The following ZFAND5 variants were observed in gnomAD, a reference collection of about 807,000 sequenced individuals.
The protein encoded by ZFAND5 is AN1-type zinc finger protein 5.
Under a neutral mutation model 23.6 loss-of-function variants are expected in ZFAND5, and 4 were observed. The ratio of observed to expected loss-of-function variants is 0.17; its 90% CI spans 0.08 to 0.39. The LOEUF (loss-of-function observed/expected upper bound fraction) is 0.39. ZFAND5 is among the 10% of genes least tolerant of loss of function. ZFAND5 has a pLI of 1.00. For synonymous variants in ZFAND5, 68 were observed against 80.6 expected (o/e 0.84, Z 0.84); for missense variants, 161 against 253.7 (o/e 0.63, Z 2.48).
In ZFAND5 at chr9:72,354,043, A is replaced by G. The variant is rs1157406818; in HGVS notation, c.*1910T>C. ...CCCCTTGTTCTTTATGATCTGGCATAAACGCTACAGAGACCAAGTCCATGG... is the reference window on the plus strand; with the variant it reads ...CCCCTTGTTCTTTATGATCTGGCATGAACGCTACAGAGACCAAGTCCATGG... On this transcript the variant is annotated 3_prime_UTR_variant, in exon 7 of 7. Coordinates refer to ENST00000376962, the MANE Select transcript of ZFAND5 (RefSeq NM_001102420.3). The G allele has an allele frequency of 6.6e-6, 1 of 152,220 alleles. No homozygotes were observed. Among genetic ancestry groups the G allele is most frequent in the East Asian group, 1.9e-4 (1 of 5,202 alleles). 9.4% of individuals were successfully genotyped at this position (152,220 alleles called of 1,614,324 possible). A position where few individuals can be genotyped will look rare whatever the true frequency, so the allele number is the denominator to read the frequency against.
At position 72,355,808 on chromosome 9, in the gene ZFAND5, C is replaced by T; in HGVS notation, c.*145G>A. 3.9e-6 allele frequency: 3 copies of T among 776,384 alleles called. No individual in the cohort carries two copies. The highest frequency in any genetic ancestry group is 3.9e-6 in the Non-Finnish European group (2 of 511,366). The allele number at this position is 776,384 out of a possible 1,614,324, so 48.1% of individuals were successfully genotyped here. A position where few individuals can be genotyped will look rare whatever the true frequency, so the allele number is the denominator to read the frequency against. On this transcript the variant is annotated 3_prime_UTR_variant, in exon 7 of 7. Transcript: ENST00000376962. ...CTGCCTGTAACAAACACCCAAACAT[C>T]CTAAAATATCAATTATAAGACAGAC...
rs1224276753 is a variant in ZFAND5 at position 72,353,914 on chromosome 9, G to A, written c.*2039C>T. On this transcript the variant is annotated 3_prime_UTR_variant, in exon 7 of 7. Transcript: ENST00000376962. ...CAAAAGTAGCAGCATGCAAAGAACT[G>A]ACAGATAAAACTAGGGTATTTCCAC... 1 of 152,102 alleles carries A rather than the reference G, an allele frequency of 6.6e-6. No homozygotes were observed. The highest frequency in any genetic ancestry group is 6.6e-5 in the Admixed American group (1 of 15,254). 9.4% of individuals were successfully genotyped at this position (152,102 alleles called of 1,614,324 possible). A position where few individuals can be genotyped will look rare whatever the true frequency, so the allele number is the denominator to read the frequency against.
At chr9:72,359,616 TTCC>T (rs1245465265) in intron 4 of ZFAND5, 95 bp from the exon 5 acceptor site, 1 of 1,191,132 alleles carries the variant, frequency 8.4e-7, no homozygotes, top group East Asian at 2.6e-5. Context: ...TATAGAATAT[TTCC>T]AAAATGAGCA....
intron 3 of ZFAND5, 143 bp downstream of exon 3, chr9:72,360,485 C>T (rs1306634104): frequency 8.9e-7 from 1 of 1,124,912 alleles, no homozygotes; most frequent in Non-Finnish European, 1.3e-6. Flanking sequence ...TCAGTCATGT[C>T]AAGCACTTGG....
chr9:72,364,431 A>G, intron 1 of ZFAND5: 1 of 1,263,754 alleles, frequency 7.9e-7, no homozygotes, highest in East Asian at 7.7e-5. Flanking sequence ...CCGGCCCCGC[A>G]GAGGCGGCAC....
Position 72,353,299 on chromosome 9 carries a change from CCAGT to C in ZFAND5, c.*2650_*2653del, listed in dbSNP as rs977459378. On this transcript the variant is annotated 3_prime_UTR_variant, in exon 7 of 7. Coordinates refer to ENST00000376962, the MANE Select transcript of ZFAND5 (RefSeq NM_001102420.3). ...CCTTACACACTGATTCCCTTTCTCC[CCAGT>C]CAATGGACAACCCTGACAAATCTTT... 1.3e-5 allele frequency: 2 copies of C among 152,140 alleles called. No homozygotes were observed. The highest frequency in any genetic ancestry group is 1.5e-5 in the Non-Finnish European group (1 of 68,036). The allele number at this position is 152,140 out of a possible 1,614,324, so 9.4% of individuals were successfully genotyped here.
chr9:72,360,780 T>G lies in ZFAND5; in HGVS notation c.-2A>C. 1 of 1,597,254 alleles carries G rather than the reference T, an allele frequency of 6.3e-7. No homozygotes were observed. Among genetic ancestry groups the G allele is most frequent in the Non-Finnish European group, 8.5e-7 (1 of 1,170,324 alleles). On this transcript the variant is annotated 5_prime_UTR_variant, in exon 3 of 7. Transcript: ENST00000376962. ...GGTCTGGTTAGTCTCCTGAGCCATA[T>G]TTTTCTGCTATAGATGAAACGAAAT...
rs1842197458 is a variant in ZFAND5 at position 72,364,339 on chromosome 9, GCGGCCGCCGCCT to G, written c.-147+345_-147+356del. On this transcript the variant is annotated intron_variant, in intron 1 of 6. Transcript: ENST00000376962. ...GGGGGGGCTGCAACGGGCAGGGGGC[GCGGCCGCCGCCT>G]CGGCCTCTTTGTTTCTCTGGGTCGT... 3 of 1,090,434 alleles carry G rather than the reference GCGGCCGCCGCCT, an allele frequency of 2.8e-6. No homozygotes were observed. In the African/African-American group the frequency reaches 5.2e-5, roughly 19 times the overall value. 67.5% of individuals were successfully genotyped at this position (1,090,434 alleles called of 1,614,324 possible).
chr9:72,362,558 T>TGGAGGATA (rs1156742205), intron 2 of ZFAND5, among the ~76,000 whole-genome samples: 2 of 152,228 alleles, frequency 1.3e-5, no homozygotes, highest in Non-Finnish European at 2.9e-5. Flanking sequence ...TTAGATAAAA[T>TGGAGGATA]GGAGGATACT....
Position 72,364,686 on chromosome 9 carries a change from T to A in ZFAND5, c.-147+10A>T. 9.6e-7 allele frequency: 1 copy of A among 1,039,308 alleles called. No homozygotes were observed. The allele number at this position is 1,039,308 out of a possible 1,614,324, so 64.4% of individuals were successfully genotyped here. A position where few individuals can be genotyped will look rare whatever the true frequency, so the allele number is the denominator to read the frequency against. ...AGCCCGGCTCCCACCCGCAGCCCCG[T>A]ATCACTCACCCTGCAGGGTCCCAAA... On this transcript the variant is annotated intron_variant, in intron 1 of 6. Coordinates refer to ENST00000376962, the MANE Select transcript of ZFAND5 (RefSeq NM_001102420.3).
At chr9:72,363,759 A>G (rs1842171184) in intron 1 of ZFAND5, 153 bp from the exon 2 acceptor site, 2 of 551,144 alleles carry the variant, frequency 3.6e-6, no homozygotes, top group African/African-American at 2.0e-5. Context: ...AATCCTAAAA[A>G]TAAGGAATAA....
chr9:72,364,682 C>G lies in ZFAND5; in HGVS notation c.-147+14G>C, dbSNP rs923124905. ...AAGGAGCCCGGCTCCCACCCGCAGCCCCGTATCACTCACCCTGCAGGGTCC... is the reference window on the plus strand; with the variant it reads ...AAGGAGCCCGGCTCCCACCCGCAGCGCCGTATCACTCACCCTGCAGGGTCC... On this transcript the variant is annotated intron_variant, in intron 1 of 6. Transcript: ENST00000376962. 117 of 1,052,586 alleles carry G rather than the reference C, an allele frequency of 1.1e-4. 1 individual carries two copies. Among genetic ancestry groups the G allele is most frequent in the Middle Eastern group, 4.3e-4 (1 of 2,352 alleles). 65.2% of individuals were successfully genotyped at this position (1,052,586 alleles called of 1,614,324 possible).
In ZFAND5 at chr9:72,354,283, A is replaced by AGATATTG. The variant is rs1231977286; in HGVS notation, c.*1669_*1670insCAATATC. On this transcript the variant is annotated 3_prime_UTR_variant, in exon 7 of 7. Transcript: ENST00000376962. ...GGTGCCTATTGAATTCTTCAAAAAT[A>AGATATTG]AACTGCCTATCAGGTATCATACCTG... 11 of 152,266 alleles carry AGATATTG rather than the reference A, an allele frequency of 7.2e-5. No homozygotes were observed. Among genetic ancestry groups the AGATATTG allele is most frequent in the African/African-American group, 2.7e-4 (11 of 41,452 alleles). 9.4% of individuals were successfully genotyped at this position (152,266 alleles called of 1,614,324 possible). A position where few individuals can be genotyped will look rare whatever the true frequency, so the allele number is the denominator to read the frequency against.
Position 72,365,176 on chromosome 9 carries a change from G to A in ZFAND5, c.-627C>T, listed in dbSNP as rs928903276. 2.0e-5 allele frequency: 3 copies of A among 152,302 alleles called. No individual in the cohort carries two copies. The highest frequency in any genetic ancestry group is 6.5e-5 in the Admixed American group (1 of 15,292). The allele number at this position is 152,302 out of a possible 1,614,324, so 9.4% of individuals were successfully genotyped here. A position where few individuals can be genotyped will look rare whatever the true frequency, so the allele number is the denominator to read the frequency against. On this transcript the variant is annotated 5_prime_UTR_variant, in exon 1 of 7. Coordinates refer to ENST00000376962, the MANE Select transcript of ZFAND5 (RefSeq NM_001102420.3). ...CGGGAGCGAGCGAGCCCGCGTAGGA[G>A]ATGCACACAGCTCCGCGTCCCGGCC...
rs966034740 is a variant in ZFAND5 at position 72,351,653 on chromosome 9, A to G, written c.*4300T>C. Reference sequence around the variant, plus strand: ...TTCAATGACTGTATATTTAGTCACCACCTCAACCACTGCTAAGCTCTCTTC... The same window carrying G: ...TTCAATGACTGTATATTTAGTCACCGCCTCAACCACTGCTAAGCTCTCTTC... On this transcript the variant is annotated 3_prime_UTR_variant, in exon 7 of 7. Transcript: ENST00000376962. The G allele has an allele frequency of 1.3e-5, 2 of 149,130 alleles. No homozygotes were observed. Among genetic ancestry groups the G allele is most frequent in the African/African-American group, 4.9e-5 (2 of 40,474 alleles). The allele number at this position is 149,130 out of a possible 1,614,324, so 9.2% of individuals were successfully genotyped here. A position where few individuals can be genotyped will look rare whatever the true frequency, so the allele number is the denominator to read the frequency against.
chr9:72,359,542 A>G, intron 4 of ZFAND5, 21 bp from the exon 5 acceptor site: 1 of 1,609,962 alleles, frequency 6.2e-7, no homozygotes, highest in Non-Finnish European at 8.5e-7. Context: ...TCAAGCAAAC[A>G]ATTTTTAAAG....
At chr9:72,364,405 G>A (rs1220463108) in intron 1 of ZFAND5, 16 of 1,204,798 alleles carry the variant, frequency 1.3e-5, no homozygotes, top group Non-Finnish European at 1.7e-5. Flanking sequence ...CGCCGCGGAG[G>A]CGAGCGGCCT....
intron 1 of ZFAND5, chr9:72,364,051 G>T (rs1018446513): frequency 6.5e-6 from 1 of 152,690 alleles, no homozygotes; most frequent in African/African-American, 2.4e-5. Context: ...ACGCAGCGAC[G>T]TCGAGAAGCC....
rs1841867878 is a variant in ZFAND5 at position 72,354,225 on chromosome 9, T to G, written c.*1728A>C. ...AGGCCATAATTGTTCAAATTTCATC[T>G]TTCTCAAATTTTAAAATTGTTTTAA... is the stretch of plus-strand genomic sequence containing the variant. On this transcript the variant is annotated 3_prime_UTR_variant, in exon 7 of 7. Transcript: ENST00000376962. 6.6e-6 allele frequency: 1 copy of G among 152,228 alleles called. No homozygotes were observed. The highest frequency in any genetic ancestry group is 6.5e-5 in the Admixed American group (1 of 15,276). The allele number at this position is 152,228 out of a possible 1,614,324, so 9.4% of individuals were successfully genotyped here. A position where few individuals can be genotyped will look rare whatever the true frequency, so the allele number is the denominator to read the frequency against.
Sources: allele counts gnomAD v4.1 joint callset (sites outside exome capture counted in the v4.1 genomes callset), GRCh38; gene constraint gnomAD v4.1.1; transcripts MANE v1.5; gene names NCBI Gene and HGNC (gene_info 2026-07-23, HGNC 2026-07-21).